The following SH3RF3 variants were observed in gnomAD, a reference collection of about 807,000 sequenced individuals.
The protein encoded by SH3RF3 is E3 ubiquitin-protein ligase SH3RF3.
SH3RF3 carries 29 observed loss-of-function variants against 66.3 expected under a neutral mutation model. The observed-to-expected ratio is 0.44, with a 90% CI of 0.33 to 0.60. The LOEUF is 0.60. Ranked by LOEUF, SH3RF3 falls within the 20% of genes least tolerant of loss-of-function variation. The pLI, the probability that SH3RF3 is intolerant of heterozygous loss-of-function variation, is 0.04. For synonymous variants in SH3RF3, 583 were observed against 532.0 expected (o/e 1.10, Z -1.32); for missense variants, 1,194 against 1,190.9 (o/e 1.00, Z -0.04).
intron 1 of SH3RF3, among the ~76,000 whole-genome samples, chr2:109,340,618 C>T (rs1487856549): frequency 1.3e-5 from 2 of 152,202 alleles, no homozygotes; most frequent in African/African-American, 4.8e-5. Flanking sequence ...GGCCCCGGCA[C>T]CCAGGGTCCT....
chr2:109,235,349 G>A (rs543391645), intron 1 of SH3RF3, among the ~76,000 whole-genome samples: 1 of 152,190 alleles, frequency 6.6e-6, no homozygotes, highest in African/African-American at 2.4e-5. Flanking sequence ...GATCTCTAAG[G>A]GCCACTAAAG....
At position 109,398,690 on chromosome 2, in the gene SH3RF3, C is replaced by A. The variant is rs756843444; in HGVS notation, c.1046C>A (p.Ala349Asp). 2.3e-5 allele frequency: 37 copies of A among 1,610,938 alleles called. No individual in the cohort carries two copies. The South Asian group carries it at 4.1e-4, about 18-fold the overall frequency. The change falls in exon 4 of 10, where the codon GCC becomes GAC. Residue 349 changes from alanine to aspartate, a missense_variant. Coordinates refer to ENST00000309415, the MANE Select transcript of SH3RF3 (RefSeq NM_001099289.3). ...ASLPSDSGAV[A>D]SVAPSPTLSS... ...CTGCCCTCTGACTCCGGCGCTGTGG[C>A]CAGCGTGGCCCCAAGTCCCACTTTA...
chr2:109,449,951 G>T (rs2104636056), intron 8 of SH3RF3, among the ~76,000 whole-genome samples: 1 of 152,306 alleles, frequency 6.6e-6, no homozygotes, highest in Admixed American at 6.5e-5. Context: ...TATGGGACAG[G>T]CCTGTTTCCT....
intron 1 of SH3RF3, among the ~76,000 whole-genome samples, chr2:109,346,687 G>A (rs1009172943): frequency 6.6e-6 from 1 of 152,032 alleles, no homozygotes; most frequent in African/African-American, 2.4e-5. Flanking sequence ...ATCAGTTTCC[G>A]GATTCTTTGA....
intron 2 of SH3RF3, among the ~76,000 whole-genome samples, chr2:109,360,806 A>G (rs948615635): frequency 1.3e-5 from 2 of 152,184 alleles, no homozygotes; most frequent in Admixed American, 6.5e-5. Context: ...GTACACTTTT[A>G]ATTTCCTTTT....
intron 2 of SH3RF3, among the ~76,000 whole-genome samples, chr2:109,364,266 C>G (rs191973778): frequency 6.6e-6 from 1 of 152,096 alleles, no homozygotes; most frequent in Non-Finnish European, 1.5e-5. Flanking sequence ...GTCCAGTCTC[C>G]TAATAAGCAC....
chr2:109,263,199 A>G (rs926100343), intron 1 of SH3RF3, among the ~76,000 whole-genome samples: 1 of 152,148 alleles, frequency 6.6e-6, no homozygotes, highest in Non-Finnish European at 1.5e-5. Context: ...CATTCATACT[A>G]TCTTTTATAA....
At chr2:109,331,544 G>T (rs529648541) in intron 1 of SH3RF3, among the ~76,000 whole-genome samples, 1 of 152,110 alleles carries the variant, frequency 6.6e-6, no homozygotes, top group South Asian at 2.1e-4. Flanking sequence ...AACCCCCACC[G>T]CCTTCCAATC....
intron 4 of SH3RF3, among the ~76,000 whole-genome samples, chr2:109,414,938 C>T (rs986674050): frequency 6.6e-5 from 10 of 152,296 alleles, no homozygotes; most frequent in East Asian, 1.9e-4. Context: ...ATGTGGCAAA[C>T]GGGAAAAGAC....
At chr2:109,270,921 C>T (rs1680610060) in intron 1 of SH3RF3, among the ~76,000 whole-genome samples, 3 of 152,234 alleles carry the variant, frequency 2.0e-5, no homozygotes, top group Non-Finnish European at 4.4e-5. Flanking sequence ...AGGAGGGAGA[C>T]ACCAGCGGGG....
intron 1 of SH3RF3, among the ~76,000 whole-genome samples, chr2:109,320,361 C>T (rs147362714): frequency 1.2e-4 from 18 of 152,306 alleles, no homozygotes; most frequent in Non-Finnish European, 2.5e-4. Context: ...CCAAGCCCAC[C>T]TGAGCAGCAG....
intron 8 of SH3RF3, among the ~76,000 whole-genome samples, chr2:109,488,822 C>T (rs185024499): frequency 1.8e-4 from 27 of 152,328 alleles, no homozygotes; most frequent in African/African-American, 5.3e-4. Flanking sequence ...GGGCCTGGCA[C>T]GGTGCACAAG....
chr2:109,237,490 A>G (rs901301183), intron 1 of SH3RF3, among the ~76,000 whole-genome samples: 3 of 152,236 alleles, frequency 2.0e-5, no homozygotes, highest in African/African-American at 7.2e-5. Flanking sequence ...AGTCTTTAAA[A>G]CAAGCTTGTC....
intron 2 of SH3RF3, among the ~76,000 whole-genome samples, chr2:109,352,885 A>G (rs1268795855): frequency 1.3e-5 from 2 of 152,252 alleles, no homozygotes; most frequent in African/African-American, 4.8e-5. Flanking sequence ...AACTGCACAG[A>G]TAACCGTTTT....
At chr2:109,247,473 G>A (rs1292165483) in intron 1 of SH3RF3, among the ~76,000 whole-genome samples, 1 of 152,238 alleles carries the variant, frequency 6.6e-6, no homozygotes, top group Non-Finnish European at 1.5e-5. Flanking sequence ...CTTCCTGGAA[G>A]TTTTTGTGCA....
chr2:109,450,437 A>C lies in SH3RF3; in HGVS notation c.2148+948A>C, dbSNP rs184949528. Among the ~76,000 whole-genome samples, 529 of 152,348 alleles carry C rather than the reference A, an allele frequency of 3.5e-3. 2 individuals carry two copies. Among genetic ancestry groups the C allele is most frequent in the South Asian group, 9.5e-3 (46 of 4,826 alleles). ...AGACGTTAGATTAACCAGGATGAGAATCCAGACTTCTAAATCAGTGCTGTC... is the reference window on the plus strand; with the variant it reads ...AGACGTTAGATTAACCAGGATGAGACTCCAGACTTCTAAATCAGTGCTGTC... On this transcript the variant is annotated intron_variant, in intron 8 of 9. Transcript: ENST00000309415.
At chr2:109,354,158 C>T (rs929663623) in intron 2 of SH3RF3, among the ~76,000 whole-genome samples, 1 of 151,740 alleles carries the variant, frequency 6.6e-6, no homozygotes, top group Non-Finnish European at 1.5e-5. Flanking sequence ...GAACTATTCC[C>T]TTTTTAATTT....
chr2:109,490,399 G>A (rs575483394), intron 8 of SH3RF3, among the ~76,000 whole-genome samples: 5 of 152,300 alleles, frequency 3.3e-5, no homozygotes, highest in South Asian at 2.1e-4. Flanking sequence ...TGGTTCACCC[G>A]TGGGAACTGG....
intron 8 of SH3RF3, among the ~76,000 whole-genome samples, chr2:109,490,385 T>TG (rs1679097871): frequency 6.6e-6 from 1 of 152,180 alleles, no homozygotes; most frequent in Non-Finnish European, 1.5e-5. Flanking sequence ...CACCTGGCCC[T>TG]CACTGGTTCA....
Sources: gnomAD v4.1 joint callset for allele counts (sites outside exome capture counted in the v4.1 genomes callset) on GRCh38, gnomAD v4.1.1 for gene constraint, MANE v1.5 for transcripts, NCBI Gene and HGNC (gene_info 2026-07-23, HGNC 2026-07-21) for gene names.